Variants in PCDHA2 observed in about 807,000 individuals in gnomAD.
PCDHA2 encodes protocadherin alpha 2.
PCDHA2 carries 58 observed loss-of-function variants against 66.0 expected under a neutral mutation model. That is an observed-to-expected ratio of 0.88 (90% CI 0.71 to 1.09). The LOEUF is 1.09. Among genes scored for constraint, PCDHA2 ranks in the 50% least tolerant of loss-of-function variants. PCDHA2 has a pLI of 0.00. For missense variants in PCDHA2, 1,267 were observed against 1,242.3 expected, an observed-to-expected ratio of 1.02 and a Z score of -0.30; for synonymous variants, 634 against 554.0, an observed-to-expected ratio of 1.14 and a Z score of -2.03.
intron 1 of PCDHA2, chr5:140,823,968 C>T (rs2150130951): frequency 1.2e-6 from 2 of 1,614,054 alleles, no homozygotes; most frequent in East Asian, 2.2e-5. Context: ...AGGCCGTGTG[C>T]ACACGGGGCA....
rs868946985 is a variant in PCDHA2, at chr5:140,985,825, T to C, written c.2536+3262T>C. ...CACGATCTCAGCTCACAACAAGCTC[T>C]GCCTCCCGGGTTCATGCCACTCTCC... On this transcript the variant is annotated intron_variant, in intron 3 of 3. Transcript: ENST00000526136. 4.1e-4 allele frequency among the ~76,000 whole-genome samples: 61 copies of C among 148,858 alleles called. 1 individual carries two copies. The highest frequency in any genetic ancestry group is 2.7e-4 in the Admixed American group (4 of 14,688).
intron 1 of PCDHA2, chr5:140,836,418 T>G (rs1470820599): frequency 6.2e-7 from 1 of 1,613,726 alleles, no homozygotes; most frequent in Non-Finnish European, 8.5e-7. Context: ...ACCAAAGGCG[T>G]CGTCGCGGGC....
chr5:140,842,494 C>T lies in PCDHA2; in HGVS notation c.2388+45142C>T, dbSNP rs2150337446. The T allele has an allele frequency of 1.1e-5, 17 of 1,613,862 alleles. No homozygotes were observed. In the South Asian group the frequency reaches 1.6e-4, roughly 16 times the overall value. On this transcript the variant is annotated intron_variant, in intron 1 of 3. Transcript: ENST00000526136. ...GGCAGGTGACCTGCTCCCTGATGCCCCATGTCCCCTTCAAGCTGGTGTCCA... is the reference window on the plus strand; with the variant it reads ...GGCAGGTGACCTGCTCCCTGATGCCTCATGTCCCCTTCAAGCTGGTGTCCA...
At chr5:140,800,893 G>A in intron 1 of PCDHA2, 1 of 370,328 alleles carries the variant, frequency 2.7e-6, no homozygotes, top group Non-Finnish European at 4.5e-6. Context: ...AGGACTTTGA[G>A]GAGTGACCGA....
intron 1 of PCDHA2, chr5:140,869,302 G>C (rs985203011): frequency 6.2e-7 from 1 of 1,613,642 alleles, no homozygotes; most frequent in Admixed American, 1.7e-5. Context: ...GTTCCGGGTG[G>C]CGTCCAAAAC....
rs2150110873 is a variant in PCDHA2, at chr5:140,821,821, C to T, written c.2388+24469C>T. The T allele has an allele frequency of 6.2e-7, 1 of 1,614,102 alleles. No homozygotes were observed. The highest frequency in any genetic ancestry group is 2.2e-5 in the East Asian group (1 of 44,886). On this transcript the variant is annotated intron_variant, in intron 1 of 3. Coordinates refer to ENST00000526136, the MANE Select transcript of PCDHA2 (RefSeq NM_018905.3). ...AAGTCTGGGATCCCGGCTCCTGCTG[C>T]TCTGGCTTCTCCTTGCCTACTGGAA...
chr5:140,831,526 T>C (rs2150196018), intron 1 of PCDHA2, among the ~76,000 whole-genome samples: 1 of 114,962 alleles, frequency 8.7e-6, no homozygotes, highest in African/African-American at 4.1e-5. Context: ...CCACCTTTTT[T>C]TTTTTTTTTT....
intron 1 of PCDHA2, chr5:140,853,093 A>T (rs1554146395): frequency 9.0e-6 from 3 of 333,900 alleles, no homozygotes; most frequent in Non-Finnish European, 1.3e-5. Context: ...GTTAGTCAGG[A>T]TGGTCTCGAT....
intron 1 of PCDHA2, chr5:140,969,615 G>A (rs1417453925): frequency 3.6e-5 from 26 of 714,726 alleles, no homozygotes; most frequent in Non-Finnish European, 5.5e-5. Flanking sequence ...ACACAGATTT[G>A]TAGAGAAACA....
intron 1 of PCDHA2, chr5:140,927,238 G>A (rs782670286): frequency 1.2e-6 from 2 of 1,614,122 alleles, no homozygotes; most frequent in Non-Finnish European, 1.7e-6. Flanking sequence ...TCACGTCCTG[G>A]ACACCAATGA....
At chr5:140,940,271 T>C (rs1371680526) in intron 1 of PCDHA2, among the ~76,000 whole-genome samples, 1 of 152,228 alleles carries the variant, frequency 6.6e-6, no homozygotes, top group East Asian at 1.9e-4. Context: ...GGTTCCACTG[T>C]TGTCTCATTG....
At chr5:140,883,027 G>A in intron 1 of PCDHA2, 1 of 1,614,126 alleles carries the variant, frequency 6.2e-7, no homozygotes, top group Non-Finnish European at 8.5e-7. Context: ...CGGTGTTAGA[G>A]AACGCCTTCA....
At chr5:140,805,132 T>A in intron 1 of PCDHA2, 1 of 1,575,888 alleles carries the variant, frequency 6.3e-7, no homozygotes. Context: ...GGCAAAGACA[T>A]TTTGAAGACT....
intron 1 of PCDHA2, chr5:140,836,291 C>T: frequency 6.2e-7 from 1 of 1,613,720 alleles, no homozygotes; most frequent in Non-Finnish European, 8.5e-7. Context: ...CGACACGAGC[C>T]CTAGATGAGA....
intron 1 of PCDHA2, among the ~76,000 whole-genome samples, chr5:140,947,967 T>C (rs565128955): frequency 1.2e-4 from 18 of 151,462 alleles, no homozygotes; most frequent in Non-Finnish European, 2.2e-4. Flanking sequence ...ATTAAGTATG[T>C]GCTACTCATA....
intron 3 of PCDHA2, among the ~76,000 whole-genome samples, chr5:141,007,748 T>C (rs188910603): frequency 1.3e-3 from 195 of 152,298 alleles, no homozygotes; most frequent in African/African-American, 4.4e-3. Context: ...GAAGATAACT[T>C]TGGACTCTTA....
At chr5:141,006,058 G>T (rs1002161598) in intron 3 of PCDHA2, among the ~76,000 whole-genome samples, 2 of 149,786 alleles carry the variant, frequency 1.3e-5, no homozygotes, top group Non-Finnish European at 3.0e-5. Flanking sequence ...GAGTGGAGAA[G>T]AAATAAAAAT....
intron 1 of PCDHA2, chr5:140,828,694 C>T (rs2150157980): frequency 6.2e-7 from 1 of 1,614,198 alleles, no homozygotes; most frequent in South Asian, 1.1e-5. Context: ...AATCCTTGGA[C>T]AGAGAGGAAG....
intron 1 of PCDHA2, chr5:140,809,693 C>T: frequency 1.7e-6 from 2 of 1,199,102 alleles, no homozygotes; most frequent in Non-Finnish European, 2.3e-6. Flanking sequence ...TTTACATATC[C>T]ATTTTAACTA....
Sources: allele counts gnomAD v4.1 joint callset (sites outside exome capture counted in the v4.1 genomes callset), GRCh38; gene constraint gnomAD v4.1.1; transcripts MANE v1.5; gene names NCBI Gene and HGNC (gene_info 2026-07-23, HGNC 2026-07-21).